The following NR5A2 variants were observed in gnomAD, a reference collection of about 807,000 sequenced individuals.
The protein encoded by NR5A2 is CYP7A promoter-binding factor.
In NR5A2, 26 loss-of-function variants were observed where a neutral mutation model predicts 62.7. That is an observed-to-expected ratio of 0.41 (90% confidence interval 0.30 to 0.58). The LOEUF (loss-of-function observed/expected upper bound fraction) is 0.58, where lower values mean the gene tolerates loss of function less well. NR5A2 is among the 20% of genes least tolerant of loss of function. NR5A2 has a pLI of 0.22. For synonymous variants in NR5A2, 246 were observed against 241.7 expected, an observed-to-expected ratio of 1.02 and a Z score of -0.16; for missense variants, 541 against 669.1, an observed-to-expected ratio of 0.81 and a Z score of 2.11.
chr1:200,132,320 A>G (rs1667001757), intron 7 of NR5A2, among the ~76,000 whole-genome samples: 1 of 152,148 alleles, frequency 6.6e-6, no homozygotes, highest in Admixed American at 6.5e-5. Context: ...AGAACTGGCA[A>G]TATATAGTCT....
intron 5 of NR5A2, among the ~76,000 whole-genome samples, chr1:200,103,060 T>C (rs184961285): frequency 1.9e-3 from 291 of 151,956 alleles, no homozygotes; most frequent in Non-Finnish European, 2.2e-3. Flanking sequence ...AAATGAGGAT[T>C]ATAATAAGTT....
chr1:200,082,278 A>G (rs538962072), intron 5 of NR5A2, among the ~76,000 whole-genome samples: 22 of 152,356 alleles, frequency 1.4e-4, no homozygotes, highest in Admixed American at 1.2e-3. Context: ...CAGATGCACT[A>G]TTTAAAAGAT....
chr1:200,147,759 G>C lies in NR5A2; in HGVS notation c.1379-26204G>C. 9.6e-6 allele frequency: 5 copies of C among 520,284 alleles called. No homozygotes were observed. Among genetic ancestry groups the C allele is most frequent in the African/African-American group, 2.0e-5 (1 of 50,948 alleles). 32.2% of individuals were successfully genotyped at this position (520,284 alleles called of 1,614,324 possible). On this transcript the variant is annotated intron_variant, in intron 7 of 7. Transcript: ENST00000367362. This position sits in a 1 kb window ranked among gnomAD's most constrained non-coding sequence, Gnocchi z 4.9. Reference sequence around the variant, plus strand: ...CGTCCACGGTGAAGACGCGGATGCCGGCGCGAATGCCGGCACGGATGCCGG... The same window carrying C: ...CGTCCACGGTGAAGACGCGGATGCCCGCGCGAATGCCGGCACGGATGCCGG...
At chr1:200,054,163 AAAG>A (rs543193830) in intron 5 of NR5A2, 1 of 152,218 alleles carries the variant, frequency 6.6e-6, no homozygotes, top group Non-Finnish European at 1.5e-5. Flanking sequence ...TGTCCATAAA[AAAG>A]AGAACACAGG....
At chr1:200,169,309 C>A (rs1654063176) in intron 7 of NR5A2, among the ~76,000 whole-genome samples, 1 of 151,788 alleles carries the variant, frequency 6.6e-6, no homozygotes, top group African/African-American at 2.4e-5. Flanking sequence ...GAATTTTTTC[C>A]CACTTTTGAA....
At chr1:200,153,137 T>C (rs2102366905) in intron 7 of NR5A2, among the ~76,000 whole-genome samples, 1 of 152,262 alleles carries the variant, frequency 6.6e-6, no homozygotes, top group East Asian at 1.9e-4. Context: ...ATGTTACTTA[T>C]ATGCAGTAGT....
chr1:200,104,006 T>C (rs919719180), intron 5 of NR5A2, among the ~76,000 whole-genome samples: 1 of 151,956 alleles, frequency 6.6e-6, no homozygotes, highest in African/African-American at 2.4e-5. Flanking sequence ...TTGGTGGGAA[T>C]AGAAAAGAGA....
chr1:200,103,925 G>T lies in NR5A2; in HGVS notation c.1111-7277G>T, dbSNP rs148270383. Among the ~76,000 whole-genome samples, 21 of 152,324 alleles carry T rather than the reference G, an allele frequency of 1.4e-4. No individual in the cohort carries two copies. In the East Asian group the frequency reaches 4.1e-3, roughly 29 times the overall value. On this transcript the variant is annotated intron_variant, in intron 5 of 7. Coordinates refer to ENST00000367362, the MANE Select transcript of NR5A2 (RefSeq NM_205860.3). ...AACAAGAGGGAGAAGTATGGAGATG[G>T]TGTAGGTCCAGATTCTGGGGGACTA...
rs550043694 is a variant in NR5A2, at chr1:200,071,421, C to A, written c.1110+22603C>A. Reference sequence around the variant, plus strand: ...TTATGTAGCATCAACTTTATCGAAACAAAACCCTAGGTAAAAACACATTGA... The same window carrying A: ...TTATGTAGCATCAACTTTATCGAAAAAAAACCCTAGGTAAAAACACATTGA... On this transcript the variant is annotated intron_variant, in intron 5 of 7. Transcript: ENST00000367362. 6.6e-5 allele frequency among the ~76,000 whole-genome samples: 10 copies of A among 152,236 alleles called. No homozygotes were observed. The East Asian group carries it at 1.5e-3, about 24-fold the overall frequency.
rs1316332678 is a variant in NR5A2, at chr1:200,127,447, C to T, written c.1378+6492C>T. On this transcript the variant is annotated intron_variant, in intron 7 of 7. Transcript: ENST00000367362. ...ATCCTAGCACTTTGGGAGGCCAAGG[C>T]GGGTGGATCACCTGAGGTCAAGAGT... 7.3e-5 allele frequency among the ~76,000 whole-genome samples: 11 copies of T among 151,676 alleles called. No individual in the cohort carries two copies. In the East Asian group the frequency reaches 7.8e-4, roughly 11 times the overall value.
intron 7 of NR5A2, among the ~76,000 whole-genome samples, chr1:200,146,452 A>G (rs375696803): frequency 6.6e-6 from 1 of 152,224 alleles, no homozygotes; most frequent in East Asian, 1.9e-4. Flanking sequence ...TGTGATTGTA[A>G]CAGGCTGTAT....
intron 7 of NR5A2, among the ~76,000 whole-genome samples, chr1:200,124,566 GTTAGTT>G (rs1428639918): frequency 6.6e-6 from 1 of 152,192 alleles, no homozygotes; most frequent in African/African-American, 2.4e-5. Flanking sequence ...TCTGTTAGTT[GTTAGTT>G]TTAATGTTTT....
At chr1:200,086,305 T>G (rs117679244) in intron 5 of NR5A2, among the ~76,000 whole-genome samples, 2,952 of 147,200 alleles carry the variant, frequency 0.02, 40 homozygotes, top group East Asian at 0.05. Flanking sequence ...TTCCGGAAAC[T>G]TTTTTTTTTT....
intron 7 of NR5A2, among the ~76,000 whole-genome samples, chr1:200,166,709 G>A (rs545689164): frequency 6.6e-6 from 1 of 152,256 alleles, no homozygotes; most frequent in Admixed American, 6.5e-5. Context: ...AGCATACAAG[G>A]ACTTTAGAGT....
intron 6 of NR5A2, among the ~76,000 whole-genome samples, chr1:200,114,233 T>TACAC (rs370388020): frequency 1.2e-3 from 132 of 106,190 alleles, no homozygotes; most frequent in African/African-American, 1.1e-3. Flanking sequence ...TATATATATA[T>TACAC]ACACACACAC....
Position 200,145,170 on chromosome 1 carries a change from C to T in NR5A2, c.1378+24215C>T, listed in dbSNP as rs538529255. 3.1e-4 allele frequency among the ~76,000 whole-genome samples: 47 copies of T among 152,150 alleles called. No individual in the cohort carries two copies. The South Asian group carries it at 4.6e-3, about 15-fold the overall frequency. ...ACTAAAAATACAAAAATTAGCCAGG[C>T]GTGGTGTCACGTGTCTGTAGTCCCA... is the stretch of plus-strand genomic sequence containing the variant. On this transcript the variant is annotated intron_variant, in intron 7 of 7. Transcript: ENST00000367362.
intron 7 of NR5A2, chr1:200,148,157 G>T: frequency 2.7e-6 from 1 of 372,244 alleles, no homozygotes; most frequent in South Asian, 8.7e-5. Context: ...TGTCCAAGAG[G>T]AAGACCAGAT....
intron 5 of NR5A2, among the ~76,000 whole-genome samples, chr1:200,070,467 A>C (rs904482388): frequency 2.0e-5 from 3 of 152,240 alleles, no homozygotes; most frequent in African/African-American, 7.2e-5. Flanking sequence ...AATTAGGAGG[A>C]TCACTTGAGC....
chr1:200,085,662 CAAA>C (rs779455520), intron 5 of NR5A2, among the ~76,000 whole-genome samples: 8 of 91,112 alleles, frequency 8.8e-5, no homozygotes, highest in East Asian at 3.2e-4. Flanking sequence ...AGACCTATCT[CAAA>C]AAAAAAAAAA....
Sources: allele counts gnomAD v4.1 joint callset (sites outside exome capture counted in the v4.1 genomes callset), GRCh38; gene constraint gnomAD v4.1.1; non-coding constraint Gnocchi (gnomAD v3.1); transcripts MANE v1.5; gene names NCBI Gene and HGNC (gene_info 2026-07-23, HGNC 2026-07-21).